Variants in SHANK2 observed in about 807,000 individuals in gnomAD.
SHANK2 encodes SH3 and multiple ankyrin repeat domains 2, also known as SH3 and multiple ankyrin repeat domains protein 2.
Under a neutral mutation model 133.7 loss-of-function variants are expected in SHANK2, and 43 were observed. The ratio of observed to expected loss-of-function variants is 0.32; its 90% CI spans 0.25 to 0.41. SHANK2 has a LOEUF of 0.41. Among genes scored for constraint, SHANK2 ranks in the 10% least tolerant of loss-of-function variants. SHANK2 has a pLI of 1.00. For synonymous variants in SHANK2, 1,017 were observed against 952.8 expected (o/e 1.07, Z -1.24); for missense variants, 1,994 against 2,235.8 (o/e 0.89, Z 2.18).
At chr11:70,514,674 C>T (rs1336956956) in intron 17 of SHANK2, among the ~76,000 whole-genome samples, 1 of 152,090 alleles carries the variant, frequency 6.6e-6, no homozygotes. Flanking sequence ...CTATGGAAAG[C>T]TAAGAATGTA....
chr11:71,151,054 A>G (rs1332035188), intron 2 of SHANK2, among the ~76,000 whole-genome samples: 2 of 152,094 alleles, frequency 1.3e-5, no homozygotes, highest in African/African-American at 4.8e-5. Flanking sequence ...AAAGGGCGAC[A>G]TGATTCACCC....
chr11:70,622,148 G>T (rs1307263849), intron 17 of SHANK2, among the ~76,000 whole-genome samples: 1 of 152,150 alleles, frequency 6.6e-6, no homozygotes, highest in Admixed American at 6.5e-5. Context: ...CCACTCCTCG[G>T]CTCCTTCTAG....
At chr11:70,540,483 C>T (rs971138538) in intron 17 of SHANK2, among the ~76,000 whole-genome samples, 20 of 151,960 alleles carry the variant, frequency 1.3e-4, no homozygotes, top group Admixed American at 9.2e-4. Flanking sequence ...TCCCTGCCCG[C>T]GGGAGCCTGG....
chr11:71,092,248 GT>G (rs1951530671), intron 8 of SHANK2, among the ~76,000 whole-genome samples, 173 bp downstream of exon 8: 1 of 152,194 alleles, frequency 6.6e-6, no homozygotes, highest in South Asian at 2.1e-4. Flanking sequence ...AAATACTGAC[GT>G]TCACATTTTA....
At chr11:70,930,133 G>A (rs1950482678) in intron 10 of SHANK2, among the ~76,000 whole-genome samples, 1 of 152,206 alleles carries the variant, frequency 6.6e-6, no homozygotes, top group African/African-American at 2.4e-5. Context: ...CCAAGTGCAG[G>A]ACCTACTGTG....
At chr11:70,823,810 T>C (rs1297602378) in intron 11 of SHANK2, among the ~76,000 whole-genome samples, 1 of 143,636 alleles carries the variant, frequency 7.0e-6, no homozygotes, top group Admixed American at 7.0e-5. Context: ...GAGGTGGCGG[T>C]GGCCGAGTTC....
intron 13 of SHANK2, 74 bp downstream of exon 13, chr11:70,806,928 C>T (rs1401027843): frequency 1.5e-6 from 1 of 661,180 alleles, no homozygotes; most frequent in African/African-American, 1.8e-5. Flanking sequence ...TGGACATCGT[C>T]CCCACAGCAG....
At chr11:70,799,622 C>T (rs1344692917) in intron 13 of SHANK2, among the ~76,000 whole-genome samples, 1 of 152,150 alleles carries the variant, frequency 6.6e-6, no homozygotes, top group Non-Finnish European at 1.5e-5. Context: ...GCAAGGACTG[C>T]AGTTTTCTTT....
intron 17 of SHANK2, among the ~76,000 whole-genome samples, chr11:70,589,724 T>G (rs2060297326): frequency 6.6e-6 from 1 of 152,188 alleles, no homozygotes; most frequent in Non-Finnish European, 1.5e-5. Context: ...ACATTTGTGA[T>G]TCATGGGAGG....
At chr11:71,065,845 C>G (rs1244553451) in intron 9 of SHANK2, among the ~76,000 whole-genome samples, 7 of 118,514 alleles carry the variant, frequency 5.9e-5, no homozygotes, top group African/African-American at 1.7e-4. Context: ...GCATACAGAA[C>G]TCTCCCAGGG....
chr11:70,775,583 C>T (rs1362957506), intron 14 of SHANK2, among the ~76,000 whole-genome samples: 1 of 152,174 alleles, frequency 6.6e-6, no homozygotes, highest in Non-Finnish European at 1.5e-5. Context: ...GTGCCCAATC[C>T]ACCACTCGCG....
intron 17 of SHANK2, among the ~76,000 whole-genome samples, chr11:70,517,683 T>A (rs1554970359): frequency 6.6e-6 from 1 of 152,112 alleles, no homozygotes; most frequent in Non-Finnish European, 1.5e-5. Flanking sequence ...GGTAAAAAGA[T>A]CAGTGGTTGC....
chr11:70,948,954 G>A (rs1014352646), intron 10 of SHANK2, among the ~76,000 whole-genome samples: 19 of 152,216 alleles, frequency 1.2e-4, no homozygotes, highest in Admixed American at 2.6e-4. Flanking sequence ...CCAGACGGCC[G>A]ACGGTGAACT....
At chr11:70,548,646 AC>A (rs1554976961) in intron 17 of SHANK2, among the ~76,000 whole-genome samples, 1 of 152,116 alleles carries the variant, frequency 6.6e-6, no homozygotes, top group African/African-American at 2.4e-5. Context: ...CAAGTGCTGA[AC>A]CCTGGCTGTT....
intron 13 of SHANK2, among the ~76,000 whole-genome samples, chr11:70,806,609 G>A (rs1258313280): frequency 6.6e-5 from 10 of 152,140 alleles, no homozygotes; most frequent in African/African-American, 2.4e-4. Flanking sequence ...GCAGGCCCCG[G>A]GCCTCAGGTC....
chr11:71,211,932 G>A (rs1183887700), intron 2 of SHANK2, among the ~76,000 whole-genome samples: 1 of 152,096 alleles, frequency 6.6e-6, no homozygotes, highest in East Asian at 1.9e-4. Flanking sequence ...GGAACACACT[G>A]GAACGACTCT....
At chr11:70,934,437 A>T (rs1950544470) in intron 10 of SHANK2, among the ~76,000 whole-genome samples, 1 of 152,024 alleles carries the variant, frequency 6.6e-6, no homozygotes, top group African/African-American at 2.4e-5. Context: ...GTGCAGCCTC[A>T]AACACAGGGG....
intron 11 of SHANK2, among the ~76,000 whole-genome samples, chr11:70,857,943 G>A (rs1207718817): frequency 6.6e-6 from 1 of 152,192 alleles, no homozygotes; most frequent in African/African-American, 2.4e-5. Flanking sequence ...CTTCACTGCA[G>A]CCTCCACCCA....
rs781999138 is a variant in SHANK2, at chr11:71,094,579, G to A, written c.702C>T (p.Ala234=). ...LDFRAKDGMT[A]LHKAARARNQ... is the part of the protein sequence containing the mutation. Reference sequence around the variant, plus strand: ...TCCTCGCTCGGGCAGCTTTGTGTAGGGCGGTCATCCCATCTTTGGCACGGA... The same window carrying A: ...TCCTCGCTCGGGCAGCTTTGTGTAGAGCGGTCATCCCATCTTTGGCACGGA... The change falls in exon 7 of 26, where the codon GCC becomes GCT. Residue 234 remains alanine, a synonymous_variant. Coordinates refer to ENST00000601538, the MANE Select transcript of SHANK2 (RefSeq NM_012309.5). 11 of 1,551,512 alleles carry A rather than the reference G, an allele frequency of 7.1e-6. No individual in the cohort carries two copies. The highest frequency in any genetic ancestry group is 5.5e-5 in the African/African-American group (4 of 73,010).
Sources: gnomAD v4.1 joint callset for allele counts (sites outside exome capture counted in the v4.1 genomes callset) on GRCh38, gnomAD v4.1.1 for gene constraint, MANE v1.5 for transcripts, NCBI Gene and HGNC (gene_info 2026-07-23, HGNC 2026-07-21) for gene names.